COPS5: variants seen among roughly 807,000 people sequenced by gnomAD.
COPS5 encodes COP9 signalosome complex subunit 5.
In COPS5, 8 loss-of-function variants were observed where a neutral mutation model predicts 44.4. The ratio of observed to expected loss-of-function variants is 0.18; its 90% CI spans 0.11 to 0.32. The LOEUF (loss-of-function observed/expected upper bound fraction) is 0.32, where lower values mean the gene tolerates loss of function less well. Ranked by LOEUF, COPS5 falls within the 10% of genes least tolerant of loss-of-function variation. The pLI is 1.00. For missense variants in COPS5, 159 were observed against 406.4 expected, an observed-to-expected ratio of 0.39 and a Z score of 5.23; for synonymous variants, 122 against 142.8, an observed-to-expected ratio of 0.85 and a Z score of 1.04.
rs749170475 is a variant in COPS5 at position 67,062,051 on chromosome 8, G to T, written c.-55C>A. ...TACAACCAAGACGCAACTTTACCTC[G>T]CTAGGTTTCCGGGTGTGGGCCTTGA... On this transcript the variant is annotated 5_prime_UTR_variant, in exon 1 of 8. Transcript: ENST00000357849. The T allele has an allele frequency of 6.2e-7, 1 of 1,612,548 alleles. No homozygotes were observed. Among genetic ancestry groups the T allele is most frequent in the Non-Finnish European group, 8.5e-7 (1 of 1,179,678 alleles).
intron 1 of COPS5, chr8:67,061,327 C>A (rs1804615864): frequency 7.0e-6 from 3 of 427,280 alleles, no homozygotes. Context: ...CCAGGCCTCA[C>A]GCCTGTAATC....
chr8:67,060,720 G>C (rs1315437580), intron 1 of COPS5: 1 of 318,732 alleles, frequency 3.1e-6, no homozygotes, highest in East Asian at 8.4e-5. Flanking sequence ...CAACTAGTTA[G>C]TGACAGCTGT....
At chr8:67,056,415 G>A (rs188932332) in intron 5 of COPS5, 104 bp downstream of exon 5, 276 of 387,154 alleles carry the variant, frequency 7.1e-4, no homozygotes, top group African/African-American at 5.0e-3. Flanking sequence ...GGCTAGTGTC[G>A]AATTCCTGTC....
At chr8:67,055,027 C>T (rs778104280) in intron 5 of COPS5, among the ~76,000 whole-genome samples, 1 of 152,164 alleles carries the variant, frequency 6.6e-6, no homozygotes, top group Non-Finnish European at 1.5e-5. Flanking sequence ...TCTGTTAGCA[C>T]GACCCTGTAA....
At chr8:67,059,509 T>TA in intron 1 of COPS5, 64 bp from the exon 2 acceptor site, 6 of 1,229,518 alleles carry the variant, frequency 4.9e-6, no homozygotes, top group Non-Finnish European at 7.1e-6. Context: ...GAAAAGTTTT[T>TA]ATGAAGATAA....
intron 1 of COPS5, 89 bp downstream of exon 1, chr8:67,061,765 T>C (rs1804642129): frequency 7.5e-7 from 1 of 1,328,326 alleles, no homozygotes. Context: ...CGGTGAAAGC[T>C]CTTCACCCCT....
At chr8:67,048,750 A>T (rs989412219) in intron 6 of COPS5, among the ~76,000 whole-genome samples, 1 of 151,836 alleles carries the variant, frequency 6.6e-6, no homozygotes, top group Non-Finnish European at 1.5e-5. Context: ...AGTAAATAAT[A>T]GGCTTAAGTG....
intron 5 of COPS5, among the ~76,000 whole-genome samples, chr8:67,052,440 CAG>C (rs1322914133): frequency 4.8e-5 from 7 of 147,218 alleles, no homozygotes; most frequent in Admixed American, 2.7e-4. Flanking sequence ...TTTTTTGAGA[CAG>C]AGTCTTGCTT....
chr8:67,048,688 C>T (rs953857338), intron 6 of COPS5, among the ~76,000 whole-genome samples: 1 of 149,024 alleles, frequency 6.7e-6, no homozygotes, highest in South Asian at 2.1e-4. Context: ...TGCACTCCAG[C>T]CGGGGTGACA....
chr8:67,062,015 G>C lies in COPS5; in HGVS notation c.-19C>G. On this transcript the variant is annotated 5_prime_UTR_variant, in exon 1 of 8. Coordinates refer to ENST00000357849, the MANE Select transcript of COPS5 (RefSeq NM_006837.3). The stretch of plus-strand genomic sequence containing the variant: ...CCGCCATCGCCGAGGAAGCGGAGAA[G>C]TTGTCGTCTCTACAACCAAGACGCA... 2 of 1,614,176 alleles carry C rather than the reference G, an allele frequency of 1.2e-6. No homozygotes were observed. Among genetic ancestry groups the C allele is most frequent in the Non-Finnish European group, 1.7e-6 (2 of 1,180,036 alleles).
intron 1 of COPS5, chr8:67,061,134 G>A (rs1470411390): frequency 5.4e-6 from 1 of 185,636 alleles, no homozygotes; most frequent in Non-Finnish European, 1.1e-5. Context: ...TATGGGTAAA[G>A]ATCCCTCGAC....
At chr8:67,056,148 C>G (rs1207794073) in intron 5 of COPS5, among the ~76,000 whole-genome samples, 1 of 151,974 alleles carries the variant, frequency 6.6e-6, no homozygotes, top group Non-Finnish European at 1.5e-5. Flanking sequence ...TAGTTTGAAA[C>G]ATTAATAAAA....
At chr8:67,058,471 C>A (rs1203654205) in intron 2 of COPS5, among the ~76,000 whole-genome samples, 1 of 152,084 alleles carries the variant, frequency 6.6e-6, no homozygotes, top group African/African-American at 2.4e-5. Flanking sequence ...ATGTTTTACA[C>A]TTTGTTTTTT....
At chr8:67,053,879 G>A (rs1239093653) in intron 5 of COPS5, among the ~76,000 whole-genome samples, 3 of 150,424 alleles carry the variant, frequency 2.0e-5, no homozygotes, top group African/African-American at 4.9e-5. Context: ...GATGGTGGGC[G>A]CCTGTAGTTC....
intron 5 of COPS5, among the ~76,000 whole-genome samples, chr8:67,054,247 G>C (rs1804465657): frequency 6.6e-6 from 1 of 152,078 alleles, no homozygotes; most frequent in African/African-American, 2.4e-5. Flanking sequence ...AGGGAAAGTA[G>C]ATCTGTTTGA....
Position 67,058,334 on chromosome 8 carries a change from C to T in COPS5, c.379-123G>A, listed in dbSNP as rs535256224. On this transcript the variant is annotated intron_variant, in intron 2 of 7. Transcript: ENST00000357849. ...CTCCTCAATTACCCACTTTTCTCAGCCCAGATGCGAAATCTATGGGCAATT... is the reference window on the plus strand; with the variant it reads ...CTCCTCAATTACCCACTTTTCTCAGTCCAGATGCGAAATCTATGGGCAATT... The T allele has an allele frequency of 1.5e-5, 13 of 891,772 alleles. No individual in the cohort carries two copies. The Admixed American group carries it at 3.2e-4, about 22-fold the overall frequency. 55.2% of individuals were successfully genotyped at this position (891,772 alleles called of 1,614,324 possible).
intron 6 of COPS5, among the ~76,000 whole-genome samples, chr8:67,050,244 GC>G (rs1804379897): frequency 6.6e-6 from 1 of 151,688 alleles, no homozygotes; most frequent in Non-Finnish European, 1.5e-5. Context: ...CTCATGATCC[GC>G]CCGCCTCGGC....
intron 6 of COPS5, chr8:67,047,942 C>T (rs368150358): frequency 2.9e-6 from 2 of 701,170 alleles, no homozygotes; most frequent in African/African-American, 3.5e-5. Flanking sequence ...TATGATCATT[C>T]TCCATCCTAA....
chr8:67,061,499 C>A, intron 1 of COPS5: 2 of 433,774 alleles, frequency 4.6e-6, no homozygotes, highest in Non-Finnish European at 4.4e-6. Context: ...TTTCTGAAAA[C>A]AGCTGCAATC....
Sources: gnomAD v4.1 joint callset for allele counts (sites outside exome capture counted in the v4.1 genomes callset) on GRCh38, gnomAD v4.1.1 for gene constraint, MANE v1.5 for transcripts, NCBI Gene and HGNC (gene_info 2026-07-23, HGNC 2026-07-21) for gene names.